The following ANKS1B variants were observed in gnomAD, a reference collection of about 807,000 sequenced individuals.
ANKS1B encodes ankyrin repeat and sterile alpha motif domain-containing protein 1B.
ANKS1B carries 36 observed loss-of-function variants against 148.3 expected under a neutral mutation model. The ratio of observed to expected loss-of-function variants is 0.24; its 90% CI spans 0.19 to 0.32. The LOEUF (loss-of-function observed/expected upper bound fraction) is 0.32. Among genes scored for constraint, ANKS1B ranks in the 10% least tolerant of loss-of-function variants. The pLI, the probability that ANKS1B is intolerant of heterozygous loss-of-function variation, is 1.00. For synonymous variants in ANKS1B, 542 were observed against 560.8 expected, an observed-to-expected ratio of 0.97 and a Z score of 0.47; for missense variants, 1,157 against 1,542.6, an observed-to-expected ratio of 0.75 and a Z score of 4.19.
At chr12:99,608,597 C>A (rs1054432733) in intron 9 of ANKS1B, among the ~76,000 whole-genome samples, 4 of 151,994 alleles carry the variant, frequency 2.6e-5, no homozygotes, top group African/African-American at 7.2e-5. Flanking sequence ...CACAAACTAA[C>A]CCTTGGTACC....
At chr12:99,938,687 T>C (rs1358111709) in intron 1 of ANKS1B, among the ~76,000 whole-genome samples, 1 of 152,142 alleles carries the variant, frequency 6.6e-6, no homozygotes, top group Non-Finnish European at 1.5e-5. Context: ...GACCCTTTTG[T>C]AAGATTCAAG....
At chr12:99,570,323 G>A (rs2097439263) in intron 9 of ANKS1B, among the ~76,000 whole-genome samples, 1 of 148,708 alleles carries the variant, frequency 6.7e-6, no homozygotes, top group Non-Finnish European at 1.5e-5. Context: ...TTGTTCTTGA[G>A]CTTTATAATA....
intron 10 of ANKS1B, among the ~76,000 whole-genome samples, chr12:99,500,136 C>A (rs2096641457): frequency 1.3e-5 from 2 of 152,182 alleles, no homozygotes; most frequent in African/African-American, 4.8e-5. Context: ...ATCTAAGACT[C>A]ACTCCCTCTC....
At chr12:99,537,594 C>T (rs1362303483) in intron 9 of ANKS1B, among the ~76,000 whole-genome samples, 1 of 152,096 alleles carries the variant, frequency 6.6e-6, no homozygotes, top group Non-Finnish European at 1.5e-5. Flanking sequence ...ATCTTTTGCT[C>T]ATCTTTTGGC....
chr12:99,481,406 A>G (rs1371980368), intron 10 of ANKS1B, among the ~76,000 whole-genome samples: 1 of 151,484 alleles, frequency 6.6e-6, no homozygotes, highest in East Asian at 1.9e-4. Flanking sequence ...TATATACTAC[A>G]TTTTATATAC....
chr12:99,569,282 C>T lies in ANKS1B; in HGVS notation c.1273-64641G>A, dbSNP rs776745743. 6.6e-5 allele frequency among the ~76,000 whole-genome samples: 10 copies of T among 152,098 alleles called. No homozygotes were observed. In the East Asian group the frequency reaches 1.5e-3, roughly 23 times the overall value. On this transcript the variant is annotated intron_variant, in intron 9 of 26. Coordinates refer to ENST00000683438, the MANE Select transcript of ANKS1B (RefSeq NM_001352186.2). ...CTGGTGCTCTAACACAGCAGTGTAG[C>T]GAGAGGCTGGGAACTGCTTCATGAA...
chr12:99,522,040 T>C (rs1426105926), intron 9 of ANKS1B, among the ~76,000 whole-genome samples: 2 of 152,228 alleles, frequency 1.3e-5, no homozygotes, highest in African/African-American at 4.8e-5. Flanking sequence ...GTCGAAAACC[T>C]TTTAAGTTTA....
At chr12:99,397,564 G>C (rs2152568548) in intron 12 of ANKS1B, among the ~76,000 whole-genome samples, 1 of 152,148 alleles carries the variant, frequency 6.6e-6, no homozygotes, top group South Asian at 2.1e-4. Flanking sequence ...ATAGAAAAAT[G>C]GTTAAAAACA....
At chr12:99,055,644 C>T (rs1458737001) in intron 16 of ANKS1B, among the ~76,000 whole-genome samples, 4 of 152,060 alleles carry the variant, frequency 2.6e-5, no homozygotes, top group South Asian at 4.2e-4. Flanking sequence ...TCCCTCCAAT[C>T]CCCCTTTCTT....
chr12:99,182,682 T>C (rs969063160), intron 14 of ANKS1B, among the ~76,000 whole-genome samples: 3 of 152,132 alleles, frequency 2.0e-5, no homozygotes, highest in African/African-American at 7.2e-5. Context: ...TACCTAGGAG[T>C]GGGATTACTA....
At chr12:99,955,396 G>A (rs2095303490) in intron 1 of ANKS1B, among the ~76,000 whole-genome samples, 1 of 150,524 alleles carries the variant, frequency 6.6e-6, no homozygotes, top group Admixed American at 6.6e-5. Context: ...GGGAGGCTGA[G>A]GCAGGAGAAT....
intron 8 of ANKS1B, 143 bp downstream of exon 8, chr12:99,772,779 G>T: frequency 1.2e-6 from 1 of 823,906 alleles, no homozygotes; most frequent in Non-Finnish European, 1.8e-6. Flanking sequence ...AAACCCCAAA[G>T]AACGTCAGGA....
intron 1 of ANKS1B, among the ~76,000 whole-genome samples, chr12:99,929,380 G>A (rs191338826): frequency 1.2e-3 from 188 of 152,062 alleles, no homozygotes; most frequent in African/African-American, 4.2e-3. Flanking sequence ...TGAGTTCATT[G>A]TAGATTCTGG....
intron 17 of ANKS1B, among the ~76,000 whole-genome samples, chr12:98,981,840 T>C (rs1325560979): frequency 6.6e-6 from 1 of 152,240 alleles, no homozygotes; most frequent in Admixed American, 6.5e-5. Context: ...GTAAGTTGAT[T>C]GATAATATTC....
At chr12:98,877,813 G>A (rs1002408625) in intron 17 of ANKS1B, among the ~76,000 whole-genome samples, 13 of 152,086 alleles carry the variant, frequency 8.5e-5, no homozygotes, top group African/African-American at 3.1e-4. Flanking sequence ...AAATTTTTAA[G>A]TAAGGAAAAA....
chr12:99,825,279 C>T, intron 2 of ANKS1B, 30 bp downstream of exon 2: 1 of 1,575,672 alleles, frequency 6.3e-7, no homozygotes. Context: ...ACTAAATACA[C>T]ACGATTCCGT....
intron 9 of ANKS1B, among the ~76,000 whole-genome samples, chr12:99,651,918 T>C (rs978981037): frequency 2.0e-5 from 3 of 151,728 alleles, no homozygotes; most frequent in African/African-American, 4.8e-5. Context: ...TATGTGTATA[T>C]ACTATATATA....
intron 9 of ANKS1B, among the ~76,000 whole-genome samples, chr12:99,600,725 C>T (rs1313705154): frequency 6.6e-6 from 1 of 152,010 alleles, no homozygotes; most frequent in East Asian, 1.9e-4. Flanking sequence ...AAAATTGCTT[C>T]TAAGCAGGTT....
Position 99,640,955 on chromosome 12 carries a change from C to T in ANKS1B, c.1272+14112G>A, listed in dbSNP as rs188961657. Among the ~76,000 whole-genome samples the T allele has an allele frequency of 3.9e-5, 6 of 152,174 alleles. No individual in the cohort carries two copies. In the East Asian group the frequency reaches 1.2e-3, roughly 29 times the overall value. On this transcript the variant is annotated intron_variant, in intron 9 of 26. Transcript: ENST00000683438. Reference sequence around the variant, plus strand: ...ATCTGCTTGTCATAAATAATTCAAACAATGTTTAAGTATATAAAGCAGGAA... The same window carrying T: ...ATCTGCTTGTCATAAATAATTCAAATAATGTTTAAGTATATAAAGCAGGAA...
Sources: allele counts gnomAD v4.1 joint callset (sites outside exome capture counted in the v4.1 genomes callset), GRCh38; gene constraint gnomAD v4.1.1; transcripts MANE v1.5; gene names NCBI Gene and HGNC (gene_info 2026-07-23, HGNC 2026-07-21).